Variants in MYO9A observed in about 807,000 individuals in gnomAD.
The protein encoded by MYO9A is unconventional myosin-IXa.
A neutral mutation model predicts 293.3 loss-of-function variants in MYO9A; 103 were observed. The observed-to-expected ratio is 0.35, with a 90% confidence interval of 0.30 to 0.41. MYO9A has a LOEUF of 0.41. Ranked by LOEUF, MYO9A falls within the 10% of genes least tolerant of loss-of-function variation. The pLI is 1.00. For synonymous variants in MYO9A, 1,001 were observed against 1,035.7 expected (o/e 0.97, Z 0.64); for missense variants, 2,685 against 3,033.0 (o/e 0.89, Z 2.69).
chr15:72,117,352 G>A (rs1034134725), intron 1 of MYO9A, among the ~76,000 whole-genome samples: 1 of 152,176 alleles, frequency 6.6e-6, no homozygotes, highest in African/African-American at 2.4e-5. Flanking sequence ...TCAGCCCAAG[G>A]GAGGATGTAA....
intron 1 of MYO9A, among the ~76,000 whole-genome samples, chr15:72,086,896 T>C (rs1001122163): frequency 5.9e-5 from 9 of 152,146 alleles, no homozygotes; most frequent in African/African-American, 2.2e-4. Context: ...GCCTCCCAAG[T>C]AGCTGGGGTT....
chr15:71,996,042 T>G (rs892975796), intron 9 of MYO9A, among the ~76,000 whole-genome samples: 4 of 152,182 alleles, frequency 2.6e-5, no homozygotes, highest in Non-Finnish European at 2.9e-5. Flanking sequence ...ATTTTTAATG[T>G]GCAAATGGTT....
At chr15:72,026,140 G>C (rs2077661023) in intron 4 of MYO9A, among the ~76,000 whole-genome samples, 1 of 151,780 alleles carries the variant, frequency 6.6e-6, no homozygotes, top group Middle Eastern at 3.4e-3. Context: ...AGGCGTGATG[G>C]CAGGCGCCTG....
At chr15:71,985,579 T>A (rs1019159732) in intron 11 of MYO9A, among the ~76,000 whole-genome samples, 2 of 152,152 alleles carry the variant, frequency 1.3e-5, no homozygotes, top group Admixed American at 6.5e-5. Context: ...TCCTTATTTT[T>A]GAGTCAGAAG....
At chr15:71,917,323 T>C (rs2058036570) in intron 18 of MYO9A, among the ~76,000 whole-genome samples, 1 of 151,960 alleles carries the variant, frequency 6.6e-6, no homozygotes. Flanking sequence ...GGTCACGAGG[T>C]CAGGAGTTTG....
intron 18 of MYO9A, among the ~76,000 whole-genome samples, chr15:71,925,314 C>T (rs771435718): frequency 1.7e-3 from 40 of 22,966 alleles, no homozygotes; most frequent in Middle Eastern, 0.091. Flanking sequence ...TACGTATATA[C>T]GTATATGTAC....
At chr15:72,028,885 A>G (rs561207997) in intron 3 of MYO9A, among the ~76,000 whole-genome samples, 2 of 152,328 alleles carry the variant, frequency 1.3e-5, no homozygotes, top group African/African-American at 4.8e-5. Flanking sequence ...TATATCAAGC[A>G]CAAGGAATAT....
chr15:71,966,878 C>CAA (rs2075891614), intron 13 of MYO9A, among the ~76,000 whole-genome samples: 1 of 152,130 alleles, frequency 6.6e-6, no homozygotes, highest in Non-Finnish European at 1.5e-5. Flanking sequence ...GGATAAAAGC[C>CAA]AAACTCAACT....
rs2054319157 is a variant in MYO9A, at chr15:71,822,611, C to G, written c.*3969G>C. On this transcript the variant is annotated 3_prime_UTR_variant, in exon 42 of 42. Transcript: ENST00000356056. ...ACAGTTTTTAAAAAAAATTTACACT[C>G]AGCATACTTATAAATTACTTAAAAT... is the stretch of plus-strand genomic sequence containing the variant. 1 of 152,106 alleles carries G rather than the reference C, an allele frequency of 6.6e-6. No individual in the cohort carries two copies. The allele number at this position is 152,106 out of a possible 1,614,324, so 9.4% of individuals were successfully genotyped here.
chr15:71,966,899 GCCCTAAATAATAACC>G (rs2075892332), intron 13 of MYO9A, among the ~76,000 whole-genome samples: 1 of 152,048 alleles, frequency 6.6e-6, no homozygotes, highest in African/African-American at 2.4e-5. Flanking sequence ...TGGCTTACAA[GCCCTAAATAATAACC>G]CCCTGTCTAT....
rs1345241732 is a variant in MYO9A, at chr15:72,035,814, A to T, written c.841-3226T>A. The stretch of plus-strand genomic sequence containing the variant: ...ACTGAAACCCGGGCCTCAAAAAAAT[A>T]AAAAACTTTACATACTATAGGACTC... On this transcript the variant is annotated intron_variant, in intron 2 of 41. Transcript: ENST00000356056. Among the ~76,000 whole-genome samples the T allele has an allele frequency of 2.0e-5, 3 of 152,134 alleles. No individual in the cohort carries two copies. The East Asian group carries it at 5.8e-4, about 29-fold the overall frequency.
chr15:72,046,436 G>A lies in MYO9A; in HGVS notation c.128C>T (p.Ala43Val), dbSNP rs777815606. Residue 43 changes from alanine to valine, a missense_variant, in exon 2 of 42, where the codon GCT becomes GTT. Physicochemically the swap from Ala to Val is moderately conservative, Grantham distance 64. Transcript: ENST00000356056. ...GTTTATAAGAGACTCAATCACCTCAGCAGCTGTGGAGTTTTTTCTGGCAGG... is the reference window on the plus strand; with the variant it reads ...GTTTATAAGAGACTCAATCACCTCAACAGCTGTGGAGTTTTTTCTGGCAGG... The part of the protein sequence containing the change: ...PIPARKNSTA[A>V]EVIESLINKL... 3.0e-5 allele frequency: 49 copies of A among 1,614,076 alleles called. No homozygotes were observed. The highest frequency in any genetic ancestry group is 4.0e-5 in the Non-Finnish European group (47 of 1,180,056).
Position 71,875,842 on chromosome 15 carries a change from A to G in MYO9A, c.5932-4T>C. On this transcript the variant is annotated splice_polypyrimidine_tract_variant and splice_region_variant and intron_variant, in intron 31 of 41. Transcript: ENST00000356056. Reference sequence around the variant, plus strand: ...TCTTTCTTTCTGTTTTTGGCACCTGACAGGGGGACAGGAGATATATGGAAA... The same window carrying G: ...TCTTTCTTTCTGTTTTTGGCACCTGGCAGGGGGACAGGAGATATATGGAAA... The G allele has an allele frequency of 7.3e-7, 1 of 1,366,930 alleles. No homozygotes were observed. The highest frequency in any genetic ancestry group is 9.5e-7 in the Non-Finnish European group (1 of 1,051,622). 84.7% of individuals were successfully genotyped at this position (1,366,930 alleles called of 1,614,324 possible).
chr15:72,092,074 A>C (rs2079931708), intron 1 of MYO9A, among the ~76,000 whole-genome samples: 1 of 152,184 alleles, frequency 6.6e-6, no homozygotes, highest in South Asian at 2.1e-4. Flanking sequence ...TAAGCCCAAA[A>C]CATAAGATAG....
At chr15:72,113,626 T>C (rs1413424783) in intron 1 of MYO9A, among the ~76,000 whole-genome samples, 2 of 152,344 alleles carry the variant, frequency 1.3e-5, no homozygotes, top group East Asian at 3.9e-4. Flanking sequence ...ACTATACATG[T>C]CAAAATTATG....
chr15:71,949,444 A>G (rs925255028), intron 15 of MYO9A, among the ~76,000 whole-genome samples: 1 of 150,944 alleles, frequency 6.6e-6, no homozygotes, highest in Non-Finnish European at 1.5e-5. Flanking sequence ...TTAACCAAAT[A>G]AGGGATGTTT....
intron 3 of MYO9A, among the ~76,000 whole-genome samples, chr15:72,031,332 C>A (rs933813525): frequency 6.6e-6 from 1 of 151,806 alleles, no homozygotes; most frequent in Non-Finnish European, 1.5e-5. Flanking sequence ...CCAAAAAATA[C>A]AAAATTAGCC....
chr15:71,889,064 A>C (rs939906043), intron 26 of MYO9A, among the ~76,000 whole-genome samples: 3 of 152,110 alleles, frequency 2.0e-5, no homozygotes, highest in Non-Finnish European at 4.4e-5. Context: ...AACTTGACAG[A>C]CTCTAAGTGG....
chr15:72,076,549 G>C (rs1297900802), intron 1 of MYO9A, among the ~76,000 whole-genome samples: 1 of 152,100 alleles, frequency 6.6e-6, no homozygotes, highest in Non-Finnish European at 1.5e-5. Flanking sequence ...ACCAGAATAT[G>C]TGAAAGATCT....
Sources: allele counts gnomAD v4.1 joint callset (sites outside exome capture counted in the v4.1 genomes callset), GRCh38; gene constraint gnomAD v4.1.1; transcripts MANE v1.5; gene names NCBI Gene and HGNC (gene_info 2026-07-23, HGNC 2026-07-21).